Variants in SYNE3 observed in about 807,000 individuals in gnomAD.
SYNE3 encodes nesprin-3.
SYNE3 carries 100 observed loss-of-function variants against 111.2 expected under a neutral mutation model. The observed-to-expected ratio is 0.90, with a 90% CI of 0.77 to 1.06. SYNE3 has a LOEUF of 1.06. Ranked by LOEUF, SYNE3 falls within the 50% of genes least tolerant of loss-of-function variation. The pLI is 0.00. For synonymous variants in SYNE3, 547 were observed against 533.9 expected (o/e 1.02, Z -0.34); for missense variants, 1,160 against 1,240.3 (o/e 0.94, Z 0.97).
rs921759348 is a variant in SYNE3, at chr14:95,408,610, G to C, written c.*9216C>G. The C allele has an allele frequency of 6.4e-6, 1 of 157,390 alleles. No individual in the cohort carries two copies. The highest frequency in any genetic ancestry group is 2.4e-5 in the African/African-American group (1 of 41,540). 9.7% of individuals were successfully genotyped at this position (157,390 alleles called of 1,614,324 possible). A position where few individuals can be genotyped will look rare whatever the true frequency, so the allele number is the denominator to read the frequency against. ...CTGGTGTCTGTTGTGCTGAAGCCCA[G>C]AGCTGGAAGCCAGGGCTGCCCAGTT... On this transcript the variant is annotated 3_prime_UTR_variant, in exon 18 of 18. Transcript: ENST00000682763.
chr14:95,442,609 C>A (rs1886470472), intron 11 of SYNE3, among the ~76,000 whole-genome samples: 1 of 152,098 alleles, frequency 6.6e-6, no homozygotes, highest in Non-Finnish European at 1.5e-5. Context: ...TGTCCTCAGG[C>A]CAGTTTTGAA....
intron 2 of SYNE3, among the ~76,000 whole-genome samples, chr14:95,471,561 T>C (rs74765429): frequency 0.041 from 6,228 of 152,150 alleles, 134 homozygotes; most frequent in Middle Eastern, 0.088. Flanking sequence ...GATCAACCTG[T>C]AGGAAGTTTA....
intron 1 of SYNE3, among the ~76,000 whole-genome samples, chr14:95,476,774 C>T (rs1480781523): frequency 1.3e-5 from 2 of 152,240 alleles, no homozygotes; most frequent in Non-Finnish European, 1.5e-5. Context: ...ATACCTTGTA[C>T]AGAGTAAGGC....
intron 1 of SYNE3, among the ~76,000 whole-genome samples, chr14:95,504,205 G>A (rs546335889): frequency 6.6e-6 from 1 of 152,242 alleles, no homozygotes; most frequent in African/African-American, 2.4e-5. Flanking sequence ...CATTTACATA[G>A]CATCTGTGGC....
chr14:95,488,831 C>A (rs148617335), intron 1 of SYNE3, among the ~76,000 whole-genome samples: 1 of 152,138 alleles, frequency 6.6e-6, no homozygotes, highest in Non-Finnish European at 1.5e-5. Context: ...AATTCCTGCA[C>A]GGCCTTGACA....
intron 17 of SYNE3, among the ~76,000 whole-genome samples, chr14:95,422,505 G>A (rs1628817): frequency 0.74 from 112,246 of 152,038 alleles, 41,952 homozygotes; most frequent in Non-Finnish European, 0.82. Context: ...ACAGCAATTA[G>A]AACGACAACA....
chr14:95,427,164 T>C (rs545522284), intron 17 of SYNE3, among the ~76,000 whole-genome samples: 35 of 152,072 alleles, frequency 2.3e-4, no homozygotes, highest in Non-Finnish European at 4.4e-4. Flanking sequence ...AAGCCTTCTG[T>C]TATGCCCGGA....
intron 7 of SYNE3, chr14:95,451,279 T>G (rs1345033046): frequency 6.6e-6 from 1 of 152,272 alleles, no homozygotes; most frequent in African/African-American, 2.4e-5. Context: ...AGACCAGTCC[T>G]GCCTGCCCCC....
At chr14:95,424,972 G>T (rs934125959) in intron 17 of SYNE3, among the ~76,000 whole-genome samples, 1 of 152,232 alleles carries the variant, frequency 6.6e-6, no homozygotes, top group African/African-American at 2.4e-5. Context: ...TGGCACAGTG[G>T]CTCATGCCTG....
intron 1 of SYNE3, among the ~76,000 whole-genome samples, chr14:95,481,910 C>T (rs1462350719): frequency 1.3e-5 from 2 of 152,268 alleles, no homozygotes; most frequent in African/African-American, 2.4e-5. Flanking sequence ...AGGCAGATCG[C>T]CTGCTGGGTC....
At position 95,450,473 on chromosome 14, in the gene SYNE3, G is replaced by A. The variant is rs201125818; in HGVS notation, c.1275-368C>T. On this transcript the variant is annotated intron_variant, in intron 7 of 17. Coordinates refer to ENST00000682763, the MANE Select transcript of SYNE3 (RefSeq NM_152592.6). ...GAGGATCACTTGAGGCCAGGAGTAC[G>A]AGACCAGCCTGGGCAACATAGCAAG... 2.7e-4 allele frequency: 54 copies of A among 203,148 alleles called. No homozygotes were observed. The East Asian group carries it at 5.6e-3, about 21-fold the overall frequency. 12.6% of individuals were successfully genotyped at this position (203,148 alleles called of 1,614,324 possible). A position where few individuals can be genotyped will look rare whatever the true frequency, so the allele number is the denominator to read the frequency against.
At chr14:95,471,959 C>A (rs1184025611) in intron 2 of SYNE3, among the ~76,000 whole-genome samples, 1 of 152,178 alleles carries the variant, frequency 6.6e-6, no homozygotes. Flanking sequence ...GAGCATTATG[C>A]TGAGTGCTAG....
At chr14:95,509,847 C>T (rs1890660040) in intron 1 of SYNE3, among the ~76,000 whole-genome samples, 3 of 152,146 alleles carry the variant, frequency 2.0e-5, no homozygotes, top group Admixed American at 6.5e-5. Context: ...GCAACCAGCC[C>T]GAGTTGCGTT....
chr14:95,452,086 T>A, intron 7 of SYNE3, 161 bp downstream of exon 7: 1 of 861,932 alleles, frequency 1.2e-6, no homozygotes, highest in Non-Finnish European at 1.7e-6. Context: ...GGGGACAGTG[T>A]CTGAGCCAAG....
intron 4 of SYNE3, among the ~76,000 whole-genome samples, chr14:95,460,629 C>T (rs1009581043): frequency 3.2e-5 from 3 of 93,974 alleles, no homozygotes; most frequent in African/African-American, 5.4e-5. Context: ...GTGGAGCAAG[C>T]GAGGGGACAG....
chr14:95,478,756 A>G (rs570351494), intron 1 of SYNE3, among the ~76,000 whole-genome samples: 3 of 152,072 alleles, frequency 2.0e-5, no homozygotes, highest in Admixed American at 1.3e-4. Context: ...TGCTTTTACG[A>G]CCCTTTGAAA....
intron 1 of SYNE3, among the ~76,000 whole-genome samples, chr14:95,498,113 G>T (rs1435585331): frequency 4.6e-5 from 7 of 151,746 alleles, no homozygotes; most frequent in Non-Finnish European, 8.8e-5. Context: ...CCTTAAAGTG[G>T]TATTAACAAT....
intron 4 of SYNE3, among the ~76,000 whole-genome samples, chr14:95,465,605 GTAGA>G (rs1056420804): frequency 1.3e-5 from 2 of 152,162 alleles, no homozygotes; most frequent in Non-Finnish European, 2.9e-5. Flanking sequence ...TGGTGGGGAA[GTAGA>G]TGGATGAGTG....
At chr14:95,471,098 G>A (rs1436598963) in intron 2 of SYNE3, among the ~76,000 whole-genome samples, 1 of 152,188 alleles carries the variant, frequency 6.6e-6, no homozygotes, top group African/African-American at 2.4e-5. Flanking sequence ...AGGGAGCTGG[G>A]GACCCACAGA....
Sources: gnomAD v4.1 joint callset for allele counts (sites outside exome capture counted in the v4.1 genomes callset) on GRCh38, gnomAD v4.1.1 for gene constraint, MANE v1.5 for transcripts, NCBI Gene and HGNC (gene_info 2026-07-23, HGNC 2026-07-21) for gene names.